Variants in GPATCH8 observed in about 807,000 individuals in gnomAD.
GPATCH8 encodes G-patch domain containing 8, also known as G patch domain-containing protein 8.
In GPATCH8, 18 loss-of-function variants were observed where a neutral mutation model predicts 118.3. The ratio of observed to expected loss-of-function variants is 0.15; its 90% confidence interval spans 0.11 to 0.23. The LOEUF is 0.23. Among genes scored for constraint, GPATCH8 ranks in the 10% least tolerant of loss-of-function variants. The pLI is 1.00. For missense variants in GPATCH8, 1,631 were observed against 1,873.8 expected (o/e 0.87, Z 2.39); for synonymous variants, 659 against 684.7 (o/e 0.96, Z 0.59).
intron 7 of GPATCH8, among the ~76,000 whole-genome samples, chr17:44,402,519 C>T (rs2049065860): frequency 6.6e-6 from 1 of 151,822 alleles, no homozygotes. Context: ...CAGGGTGGCT[C>T]ACATGTGTAA....
At chr17:44,405,396 C>T (rs1240170414) in intron 7 of GPATCH8, among the ~76,000 whole-genome samples, 5 of 150,844 alleles carry the variant, frequency 3.3e-5, no homozygotes, top group South Asian at 2.1e-4. Flanking sequence ...TTAGTATAGA[C>T]GGGGTTTCTC....
chr17:44,415,604 G>A (rs1401291750), intron 6 of GPATCH8, among the ~76,000 whole-genome samples: 2 of 152,154 alleles, frequency 1.3e-5, no homozygotes, highest in African/African-American at 2.4e-5. Flanking sequence ...ATCTGAAGGC[G>A]GATAAGTCAT....
At chr17:44,442,211 T>C (rs1481354502) in intron 3 of GPATCH8, among the ~76,000 whole-genome samples, 3 of 84,846 alleles carry the variant, frequency 3.5e-5, no homozygotes, top group East Asian at 2.7e-4. Flanking sequence ...ATAGTGATGA[T>C]GTAAAAAAAA....
In GPATCH8 at chr17:44,452,984, C is replaced by A. The variant is rs115318106; in HGVS notation, c.193+11488G>T. On this transcript the variant is annotated intron_variant, in intron 3 of 7. Coordinates refer to ENST00000591680, the MANE Select transcript of GPATCH8 (RefSeq NM_001002909.4). The stretch of plus-strand genomic sequence containing the variant: ...CTGGGACTACAGGCACATGCCATCA[C>A]GCCCAGCTAATTTTTTCTTTGCATT... Among the ~76,000 whole-genome samples, 351 of 152,254 alleles carry A rather than the reference C, an allele frequency of 2.3e-3. 4 individuals are homozygous for A. Among genetic ancestry groups the A allele is most frequent in the African/African-American group, 8.1e-3 (338 of 41,534 alleles).
intron 2 of GPATCH8, chr17:44,464,805 TA>T (rs1306806655): frequency 2.2e-6 from 1 of 445,750 alleles, no homozygotes; most frequent in Non-Finnish European, 4.1e-6. Context: ...ATAACATTTT[TA>T]AATGGAGTAA....
chr17:44,404,949 C>T (rs2049162452), intron 7 of GPATCH8, among the ~76,000 whole-genome samples: 1 of 152,072 alleles, frequency 6.6e-6, no homozygotes, highest in Admixed American at 6.6e-5. Context: ...TACAAAATTA[C>T]AGCTAACTAG....
chr17:44,417,712 C>T (rs1252530236), intron 6 of GPATCH8, among the ~76,000 whole-genome samples: 1 of 152,096 alleles, frequency 6.6e-6, no homozygotes, highest in African/African-American at 2.4e-5. Context: ...AGGCCTGAGT[C>T]ACAAATTCAA....
intron 5 of GPATCH8, among the ~76,000 whole-genome samples, chr17:44,432,645 G>C (rs953492587): frequency 1.3e-5 from 2 of 152,136 alleles, no homozygotes; most frequent in Non-Finnish European, 2.9e-5. Flanking sequence ...ATGAGTGTGT[G>C]GTGCTAGAGG....
At chr17:44,425,488 A>G (rs1003727412) in intron 5 of GPATCH8, among the ~76,000 whole-genome samples, 17 of 152,302 alleles carry the variant, frequency 1.1e-4, no homozygotes, top group African/African-American at 4.1e-4. Context: ...TTTTTGCCCT[A>G]TCTAATCCTT....
intron 3 of GPATCH8, among the ~76,000 whole-genome samples, chr17:44,455,361 C>T (rs561782598): frequency 7.2e-5 from 11 of 152,026 alleles, no homozygotes; most frequent in Middle Eastern, 3.4e-3. Flanking sequence ...ATTAGCCAGG[C>T]GTGGTGGCAC....
intron 5 of GPATCH8, among the ~76,000 whole-genome samples, chr17:44,429,192 T>C (rs965146237): frequency 2.6e-5 from 4 of 151,842 alleles, no homozygotes; most frequent in African/African-American, 9.7e-5. Flanking sequence ...TAGAAGAAAC[T>C]GTAATAAAGT....
intron 3 of GPATCH8, among the ~76,000 whole-genome samples, chr17:44,459,432 C>T (rs2051462251): frequency 6.6e-6 from 1 of 152,052 alleles, no homozygotes; most frequent in South Asian, 2.1e-4. Context: ...TTTTAATATC[C>T]ATTTATTGCT....
intron 3 of GPATCH8, among the ~76,000 whole-genome samples, chr17:44,455,770 A>T (rs1273874716): frequency 6.6e-6 from 1 of 152,198 alleles, no homozygotes; most frequent in Non-Finnish European, 1.5e-5. Context: ...TTTTCTTGAC[A>T]GAGTTTCGCT....
At chr17:44,468,316 G>A (rs1966970184) in intron 2 of GPATCH8, among the ~76,000 whole-genome samples, 1 of 150,740 alleles carries the variant, frequency 6.6e-6, no homozygotes, top group Admixed American at 6.6e-5. Context: ...AGTAGCTTAC[G>A]GCTCAAACAG....
intron 3 of GPATCH8, among the ~76,000 whole-genome samples, chr17:44,453,519 G>A (rs934968103): frequency 1.3e-5 from 2 of 150,874 alleles, no homozygotes; most frequent in African/African-American, 2.4e-5. Flanking sequence ...GTGTGTGTGT[G>A]TGTGTGTGTG....
At chr17:44,502,361 T>G (rs1048027139) in intron 1 of GPATCH8, among the ~76,000 whole-genome samples, 21 of 23,478 alleles carry the variant, frequency 8.9e-4, no homozygotes, top group African/African-American at 1.7e-3. Context: ...AATGCAGTGT[T>G]TTTTTTTTTT....
intron 3 of GPATCH8, among the ~76,000 whole-genome samples, chr17:44,453,621 C>T (rs971513069): frequency 7.9e-5 from 12 of 151,876 alleles, no homozygotes; most frequent in African/African-American, 2.7e-4. Context: ...AACTTCATGG[C>T]CTCTCGTGAT....
intron 6 of GPATCH8, among the ~76,000 whole-genome samples, chr17:44,413,508 G>A (rs1365455118): frequency 2.0e-5 from 3 of 151,912 alleles, no homozygotes; most frequent in African/African-American, 7.3e-5. Context: ...TTGAGACAGA[G>A]TCTCACTCTG....
At chr17:44,433,407 T>G (rs1224736482) in intron 5 of GPATCH8, among the ~76,000 whole-genome samples, 1 of 152,178 alleles carries the variant, frequency 6.6e-6, no homozygotes. Flanking sequence ...GGCAGACAAA[T>G]AGACATACTC....
Sources: gnomAD v4.1 joint callset for allele counts (sites outside exome capture counted in the v4.1 genomes callset) on GRCh38, gnomAD v4.1.1 for gene constraint, MANE v1.5 for transcripts, NCBI Gene and HGNC (gene_info 2026-07-23, HGNC 2026-07-21) for gene names.